Variants in UST observed in about 807,000 individuals in gnomAD.
UST encodes uronyl 2-sulfotransferase, also known as chondroitin sulfate 2-O-sulfotransferase.
In UST, 21 loss-of-function variants were observed where a neutral mutation model predicts 45.6. The observed-to-expected ratio is 0.46, with a 90% confidence interval of 0.33 to 0.66. The LOEUF is 0.66. Ranked by LOEUF, UST falls within the 30% of genes least tolerant of loss-of-function variation. UST has a pLI of 0.02. For synonymous variants in UST, 215 were observed against 200.6 expected (o/e 1.07, Z -0.61); for missense variants, 463 against 512.4 (o/e 0.90, Z 0.93).
intron 1 of UST, among the ~76,000 whole-genome samples, chr6:148,789,593 A>G (rs1248717506): frequency 6.6e-6 from 1 of 152,158 alleles, no homozygotes; most frequent in Non-Finnish European, 1.5e-5. Flanking sequence ...TCTGTCACCC[A>G]GGCTGGAGTG....
intron 1 of UST, among the ~76,000 whole-genome samples, chr6:148,783,911 TGAGC>T (rs1776689250): frequency 1.3e-5 from 2 of 152,114 alleles, no homozygotes; most frequent in Admixed American, 1.3e-4. Context: ...GTGAAGATGA[TGAGC>T]TACAAGATTC....
At position 149,073,821 on chromosome 6, in the gene UST, G is replaced by A; in HGVS notation, c.938-12G>A. 6.2e-7 allele frequency: 1 copy of A among 1,610,224 alleles called. No homozygotes were observed. Among genetic ancestry groups the A allele is most frequent in the Non-Finnish European group, 8.5e-7 (1 of 1,176,988 alleles). ...AAATGATGGCTCATGTGCGACCCCG[G>A]TTCTCTTCCAGAGCACAGGAAGCTT... is the stretch of plus-strand genomic sequence containing the variant. On this transcript the variant is annotated splice_polypyrimidine_tract_variant and intron_variant, in intron 7 of 7. Transcript: ENST00000367463.
At chr6:149,038,802 A>G (rs1306607877) in intron 7 of UST, among the ~76,000 whole-genome samples, 1 of 152,200 alleles carries the variant, frequency 6.6e-6, no homozygotes. Flanking sequence ...TCTTTGTTGT[A>G]GAAAGGAATT....
At chr6:148,982,243 C>T (rs62426134) in intron 5 of UST, among the ~76,000 whole-genome samples, 9 of 151,990 alleles carry the variant, frequency 5.9e-5, no homozygotes, top group Non-Finnish European at 1.2e-4. Context: ...GGGCTACAGG[C>T]GTGCACCACC....
intron 5 of UST, among the ~76,000 whole-genome samples, chr6:149,016,510 T>C (rs1775901033): frequency 9.0e-6 from 1 of 110,726 alleles, no homozygotes; most frequent in Non-Finnish European, 1.9e-5. Flanking sequence ...ATTCAGTATC[T>C]ATTGCACTCC....
chr6:148,880,874 A>C (rs1159696495), intron 1 of UST, among the ~76,000 whole-genome samples: 1 of 151,996 alleles, frequency 6.6e-6, no homozygotes, highest in African/African-American at 2.4e-5. Context: ...CTAAAAATAC[A>C]AAAAGTTAGC....
intron 1 of UST, among the ~76,000 whole-genome samples, chr6:148,857,902 G>A (rs1778234956): frequency 6.6e-6 from 1 of 151,906 alleles, no homozygotes; most frequent in South Asian, 2.1e-4. Flanking sequence ...GGTTTCTCCT[G>A]TCAGTGAATA....
intron 7 of UST, among the ~76,000 whole-genome samples, chr6:149,043,027 TTCTTTC>T (rs746596264): frequency 1.7e-5 from 2 of 121,024 alleles, no homozygotes; most frequent in Non-Finnish European, 3.5e-5. Context: ...TTCTTTTTCT[TTCTTTC>T]TTTCTTTCTT....
intron 2 of UST, among the ~76,000 whole-genome samples, chr6:148,897,421 C>T (rs931422770): frequency 6.6e-6 from 1 of 152,040 alleles, no homozygotes; most frequent in African/African-American, 2.4e-5. Flanking sequence ...GAGACCTGAC[C>T]TGCCTGTCTT....
At chr6:148,936,265 A>T (rs1780024060) in intron 2 of UST, among the ~76,000 whole-genome samples, 1 of 152,138 alleles carries the variant, frequency 6.6e-6, no homozygotes, top group Non-Finnish European at 1.5e-5. Flanking sequence ...GATGGGGGTG[A>T]TAGAGGGTGA....
At chr6:148,811,263 C>T (rs1777251937) in intron 1 of UST, among the ~76,000 whole-genome samples, 1 of 152,144 alleles carries the variant, frequency 6.6e-6, no homozygotes, top group Non-Finnish European at 1.5e-5. Context: ...CATCTTCCAA[C>T]AGACAAACCT....
intron 1 of UST, among the ~76,000 whole-genome samples, chr6:148,831,994 C>T (rs572383740): frequency 5.9e-5 from 9 of 152,182 alleles, no homozygotes; most frequent in South Asian, 2.1e-4. Flanking sequence ...TATTAATTGA[C>T]TTTACTTATT....
At chr6:148,813,664 G>A (rs983815483) in intron 1 of UST, among the ~76,000 whole-genome samples, 1 of 152,210 alleles carries the variant, frequency 6.6e-6, no homozygotes, top group African/African-American at 2.4e-5. Flanking sequence ...ACAGAAGTGA[G>A]CCACCGTGTC....
chr6:148,809,860 A>T (rs905333131), intron 1 of UST, among the ~76,000 whole-genome samples: 9 of 151,988 alleles, frequency 5.9e-5, no homozygotes, highest in African/African-American at 1.9e-4. Flanking sequence ...TCTTTTTTTT[A>T]AATATTATAT....
At chr6:148,756,205 C>T (rs1356442427) in intron 1 of UST, among the ~76,000 whole-genome samples, 1 of 152,012 alleles carries the variant, frequency 6.6e-6, no homozygotes, top group African/African-American at 2.4e-5. Flanking sequence ...TTTATGGCTG[C>T]AAAGATCTGA....
intron 3 of UST, among the ~76,000 whole-genome samples, chr6:148,945,801 C>A (rs1293292312): frequency 6.6e-6 from 1 of 152,174 alleles, no homozygotes; most frequent in Admixed American, 6.5e-5. Context: ...CATTTGCATT[C>A]TGCAGAACTC....
chr6:148,755,111 C>T (rs1030563374), intron 1 of UST, among the ~76,000 whole-genome samples: 61 of 152,104 alleles, frequency 4.0e-4, no homozygotes, highest in African/African-American at 1.3e-3. Context: ...TTTATATTTG[C>T]TCACTAGAAT....
intron 2 of UST, among the ~76,000 whole-genome samples, chr6:148,902,820 G>C (rs1779286174): frequency 6.6e-6 from 1 of 152,068 alleles, no homozygotes; most frequent in East Asian, 1.9e-4. Context: ...CTGTCTAGAA[G>C]AGTTTTGAAA....
intron 2 of UST, among the ~76,000 whole-genome samples, chr6:148,916,844 T>C (rs548361014): frequency 3.9e-5 from 6 of 152,370 alleles, no homozygotes; most frequent in African/African-American, 1.4e-4. Context: ...GGATAAGCCA[T>C]TTTAATTTAG....
Sources: gnomAD v4.1 joint callset for allele counts (sites outside exome capture counted in the v4.1 genomes callset) on GRCh38, gnomAD v4.1.1 for gene constraint, MANE v1.5 for transcripts, NCBI Gene and HGNC (gene_info 2026-07-23, HGNC 2026-07-21) for gene names.